The following LDLRAD4 variants were observed in gnomAD, a reference collection of about 807,000 sequenced individuals.
The protein encoded by LDLRAD4 is low density lipoprotein receptor class A domain containing 4.
Under a neutral mutation model 17.0 loss-of-function variants are expected in LDLRAD4, and 5 were observed. The observed-to-expected ratio is 0.29, with a 90% CI of 0.15 to 0.62. The LOEUF (loss-of-function observed/expected upper bound fraction) is 0.62, where lower values mean the gene tolerates loss of function less well. Ranked by LOEUF, LDLRAD4 falls within the 20% of genes least tolerant of loss-of-function variation. The probability of loss-of-function intolerance (pLI) is 0.84; values close to 1 mark genes in which losing one functional copy is unlikely to be tolerated. For synonymous variants in LDLRAD4, 168 were observed against 171.8 expected (o/e 0.98, Z 0.17); for missense variants, 340 against 424.7 (o/e 0.80, Z 1.75).
intron 4 of LDLRAD4, among the ~76,000 whole-genome samples, chr18:13,639,379 AG>A (rs1045017093): frequency 3.9e-5 from 6 of 152,236 alleles, no homozygotes; most frequent in African/African-American, 1.4e-4. Context: ...AGCCCCTTGG[AG>A]GACACCAGTC....
intron 3 of LDLRAD4, among the ~76,000 whole-genome samples, chr18:13,566,488 G>A (rs565545379): frequency 2.9e-4 from 44 of 151,278 alleles, no homozygotes; most frequent in African/African-American, 1.0e-3. Context: ...TCAGCCTCTC[G>A]AGTAGCTGGG....
intron 3 of LDLRAD4, among the ~76,000 whole-genome samples, chr18:13,595,424 A>G (rs1043549818): frequency 1.3e-5 from 2 of 152,080 alleles, no homozygotes; most frequent in African/African-American, 4.8e-5. Context: ...ATTTGCCTTC[A>G]TCTCAGAGTG....
At chr18:13,351,358 G>A (rs1403390914) in intron 1 of LDLRAD4, among the ~76,000 whole-genome samples, 1 of 152,130 alleles carries the variant, frequency 6.6e-6, no homozygotes, top group Non-Finnish European at 1.5e-5. Context: ...CTTGTTAGCT[G>A]TATTCCTAGG....
chr18:13,318,837 G>A (rs1274147584), intron 1 of LDLRAD4, among the ~76,000 whole-genome samples: 1 of 152,198 alleles, frequency 6.6e-6, no homozygotes, highest in Non-Finnish European at 1.5e-5. Context: ...GGGCAGTGCT[G>A]TTCCTGTCCA....
At chr18:13,298,928 C>T (rs1453078034) in intron 1 of LDLRAD4, among the ~76,000 whole-genome samples, 1 of 152,224 alleles carries the variant, frequency 6.6e-6, no homozygotes, top group Admixed American at 6.5e-5. Context: ...TCTTGAAATT[C>T]TGGGGGAGCA....
intron 1 of LDLRAD4, among the ~76,000 whole-genome samples, chr18:13,365,471 T>C (rs907758260): frequency 6.6e-6 from 1 of 152,356 alleles, no homozygotes; most frequent in South Asian, 2.1e-4. Context: ...AAATCCGTTA[T>C]AAAGAACGTT....
chr18:13,564,761 G>A (rs1410820313), intron 3 of LDLRAD4, among the ~76,000 whole-genome samples: 1 of 152,138 alleles, frequency 6.6e-6, no homozygotes, highest in African/African-American at 2.4e-5. Flanking sequence ...TGCCTTGGCA[G>A]TGCTCCAGCC....
At chr18:13,559,694 A>G (rs1186855772) in intron 3 of LDLRAD4, among the ~76,000 whole-genome samples, 1 of 152,218 alleles carries the variant, frequency 6.6e-6, no homozygotes, top group African/African-American at 2.4e-5. Flanking sequence ...TCTTCTGTCT[A>G]GAGACCAACA....
chr18:13,537,697 G>A (rs911965700), intron 3 of LDLRAD4, among the ~76,000 whole-genome samples: 15 of 152,220 alleles, frequency 9.9e-5, no homozygotes, highest in Middle Eastern at 6.8e-3. Flanking sequence ...TATAAATGTG[G>A]TCCATCATTG....
intron 1 of LDLRAD4, among the ~76,000 whole-genome samples, chr18:13,351,180 G>A (rs1241555039): frequency 6.6e-6 from 1 of 152,160 alleles, no homozygotes; most frequent in Non-Finnish European, 1.5e-5. Context: ...GTCAAAGGTA[G>A]TTTGATGGGA....
chr18:13,274,318 T>A (rs577920812), upstream of LDLRAD4, among the ~76,000 whole-genome samples: 8 of 152,348 alleles, frequency 5.3e-5, no homozygotes, highest in African/African-American at 1.9e-4. Context: ...GCCGTTGATC[T>A]CTTGGCTGGA....
At chr18:13,627,012 A>G (rs1040711457) in intron 4 of LDLRAD4, among the ~76,000 whole-genome samples, 2 of 152,200 alleles carry the variant, frequency 1.3e-5, no homozygotes, top group African/African-American at 2.4e-5. Flanking sequence ...GCTCACGCCT[A>G]TAATCTCAGC....
At chr18:13,426,783 A>G (rs1028846977) in intron 2 of LDLRAD4, among the ~76,000 whole-genome samples, 2 of 152,178 alleles carry the variant, frequency 1.3e-5, no homozygotes, top group South Asian at 4.1e-4. Context: ...CCATCCATAA[A>G]AGAGGTATGA....
chr18:13,381,076 G>GTTTT (rs759672017), intron 1 of LDLRAD4, among the ~76,000 whole-genome samples: 4,474 of 128,354 alleles, frequency 0.035, 389 homozygotes, highest in African/African-American at 0.13. Flanking sequence ...TTTCTCTTTA[G>GTTTT]TTTTTTTTTT....
intron 1 of LDLRAD4, among the ~76,000 whole-genome samples, chr18:13,370,491 T>C (rs1248299379): frequency 6.6e-6 from 1 of 152,176 alleles, no homozygotes; most frequent in Non-Finnish European, 1.5e-5. Context: ...CTGACTGTGT[T>C]GATGCCCCTA....
At chr18:13,534,606 G>T (rs2094175908) in intron 3 of LDLRAD4, among the ~76,000 whole-genome samples, 1 of 152,112 alleles carries the variant, frequency 6.6e-6, no homozygotes, top group South Asian at 2.1e-4. Flanking sequence ...GGCTGCATTT[G>T]TCTGGTGTGC....
intron 3 of LDLRAD4, among the ~76,000 whole-genome samples, chr18:13,474,371 CCT>C (rs35825262): frequency 0.18 from 26,918 of 152,174 alleles, 2,813 homozygotes; most frequent in East Asian, 0.38. Flanking sequence ...CTGCAAAAAC[CCT>C]GAGTCAGACA....
At chr18:13,447,538 G>A (rs1294879769) in intron 3 of LDLRAD4, among the ~76,000 whole-genome samples, 2 of 152,316 alleles carry the variant, frequency 1.3e-5, no homozygotes, top group African/African-American at 4.8e-5. Flanking sequence ...AATTTACTTG[G>A]ATAAAAACAA....
intron 2 of LDLRAD4, among the ~76,000 whole-genome samples, chr18:13,416,450 C>T (rs572206491): frequency 7.2e-4 from 110 of 152,232 alleles, no homozygotes; most frequent in African/African-American, 2.5e-3. Context: ...TTAATGGGTT[C>T]GTCATCTCTC....
Sources: allele counts gnomAD v4.1 joint callset (sites outside exome capture counted in the v4.1 genomes callset), GRCh38; gene constraint gnomAD v4.1.1; transcripts MANE v1.5; gene names NCBI Gene and HGNC (gene_info 2026-07-23, HGNC 2026-07-21).